The following RMDN1 variants were observed in gnomAD, a reference collection of about 807,000 sequenced individuals.
The protein encoded by RMDN1 is regulator of microtubule dynamics 1.
Under a neutral mutation model 48.9 loss-of-function variants are expected in RMDN1, and 48 were observed. The observed-to-expected ratio is 0.98, with a 90% CI of 0.78 to 1.25. The LOEUF (loss-of-function observed/expected upper bound fraction) is 1.25. Among genes scored for constraint, RMDN1 ranks in the 50% most tolerant of loss-of-function variants. RMDN1 has a pLI of 0.00. For missense variants in RMDN1, 418 were observed against 373.4 expected, an observed-to-expected ratio of 1.12 and a Z score of -0.98; for synonymous variants, 148 against 132.6, an observed-to-expected ratio of 1.12 and a Z score of -0.80.
At chr8:86,470,456 T>C, downstream of RMDN1, 1 of 1,231,556 alleles carries the variant, frequency 8.1e-7, no homozygotes. Flanking sequence ...ATCAGAATCT[T>C]GGGAAGGCAC....
intron 1 of RMDN1, chr8:86,508,175 C>CA (rs1460121338): frequency 6.4e-6 from 2 of 313,256 alleles, no homozygotes; most frequent in Non-Finnish European, 1.2e-5. Flanking sequence ...TCATCGCCTA[C>CA]AGGGAGAATA....
Position 86,472,460 on chromosome 8 carries a change from C to T in RMDN1, c.*1848G>A, listed in dbSNP as rs921640697. On this transcript the variant is annotated 3_prime_UTR_variant, in exon 10 of 10. Transcript: ENST00000406452. ...AAAGACCCACTTCCTGGCCCTTCAG[C>T]TGCTTCTGTTTCTCTTCACCTACAA... 3 of 702,436 alleles carry T rather than the reference C, an allele frequency of 4.3e-6. No individual in the cohort carries two copies. The highest frequency in any genetic ancestry group is 1.5e-5 in the South Asian group (1 of 67,604). The allele number at this position is 702,436 out of a possible 1,614,324, so 43.5% of individuals were successfully genotyped here. A position where few individuals can be genotyped will look rare whatever the true frequency, so the allele number is the denominator to read the frequency against.
In RMDN1 at chr8:86,505,276, T is replaced by A. The variant is rs1819125841; in HGVS notation, c.247+1719A>T. The A allele has an allele frequency of 6.0e-6, 3 of 500,246 alleles. 1 individual carries two copies. The allele number at this position is 500,246 out of a possible 1,614,324, so 31.0% of individuals were successfully genotyped here. On this transcript the variant is annotated intron_variant, in intron 2 of 9. Transcript: ENST00000406452. ...TTATTTCCTGGACATTCTCTTCTGC[T>A]TAGGAGAGACCAAGTGAACCTACCT... is the stretch of plus-strand genomic sequence containing the variant.
chr8:86,506,430 A>G (rs1244376098), intron 2 of RMDN1, among the ~76,000 whole-genome samples: 4 of 152,144 alleles, frequency 2.6e-5, no homozygotes, highest in Admixed American at 2.0e-4. Flanking sequence ...TCCTATGCCA[A>G]GTGCCCTTAG....
intron 2 of RMDN1, chr8:86,504,234 A>G: frequency 6.4e-7 from 1 of 1,562,962 alleles, no homozygotes; most frequent in Non-Finnish European, 8.8e-7. Flanking sequence ...TTAACAGAAA[A>G]GAAGAGGAGA....
chr8:86,502,056 G>C (rs2131210998), intron 2 of RMDN1, among the ~76,000 whole-genome samples: 2 of 152,138 alleles, frequency 1.3e-5, no homozygotes, highest in South Asian at 4.1e-4. Flanking sequence ...ATCAGAAGTT[G>C]AATAAGACCA....
chr8:86,481,958 C>T, intron 5 of RMDN1: 1 of 861,054 alleles, frequency 1.2e-6, no homozygotes. Context: ...TGTCATCTTG[C>T]TGCAAGCAGA....
At chr8:86,470,536 C>G, downstream of RMDN1, 1 of 654,428 alleles carries the variant, frequency 1.5e-6, no homozygotes, top group African/African-American at 1.9e-5. Flanking sequence ...GACCCAGGAG[C>G]CACACTCCTG....
intron 7 of RMDN1, chr8:86,478,125 TC>T (rs1408566111): frequency 6.6e-6 from 1 of 152,212 alleles, no homozygotes; most frequent in Non-Finnish European, 1.5e-5. Flanking sequence ...GCTCAACTGA[TC>T]CACCAACCTT....
intron 2 of RMDN1, among the ~76,000 whole-genome samples, chr8:86,500,095 G>A (rs1166985705): frequency 6.6e-6 from 1 of 151,978 alleles, no homozygotes; most frequent in Non-Finnish European, 1.5e-5. Context: ...GAAAACCTAG[G>A]AAACACCATT....
At chr8:86,502,053 G>C (rs1265523909) in intron 2 of RMDN1, among the ~76,000 whole-genome samples, 1 of 152,048 alleles carries the variant, frequency 6.6e-6, no homozygotes, top group Non-Finnish European at 1.5e-5. Flanking sequence ...TCTATCAGAA[G>C]TTGAATAAGA....
chr8:86,503,909 G>A, intron 2 of RMDN1: 1 of 712,656 alleles, frequency 1.4e-6, no homozygotes, highest in South Asian at 1.4e-5. Context: ...ATGGGATTGT[G>A]TAAAGCAGCT....
Position 86,508,531 on chromosome 8 carries a change from G to A in RMDN1, c.90C>T (p.Ser30=), listed in dbSNP as rs1295601538. 6.4e-7 allele frequency: 1 copy of A among 1,572,728 alleles called. No homozygotes were observed. Among genetic ancestry groups the A allele is most frequent in the African/African-American group, 1.3e-5 (1 of 74,210 alleles). The change falls in exon 1 of 10, where the codon AGC becomes AGT. Residue 30 remains serine (S), a synonymous_variant. Coordinates refer to ENST00000406452, the MANE Select transcript of RMDN1 (RefSeq NM_016033.3). ...ATCGACAGGGGCCGCAATGCCCGCG[G>A]CTGCCCGAAGTCCCCGCAGGGAGAC... is the stretch of plus-strand genomic sequence containing the variant. ...GSRLPAGTSG[S]RGHCGPCRFR... is the part of the protein sequence containing the mutation.
intron 2 of RMDN1, among the ~76,000 whole-genome samples, chr8:86,502,303 C>T (rs1212836268): frequency 6.6e-6 from 1 of 152,004 alleles, no homozygotes; most frequent in Non-Finnish European, 1.5e-5. Context: ...GTGGTGAGAT[C>T]ATGGCTTACT....
intron 2 of RMDN1, among the ~76,000 whole-genome samples, chr8:86,496,702 C>T (rs1817408045): frequency 6.6e-6 from 1 of 152,128 alleles, no homozygotes; most frequent in African/African-American, 2.4e-5. Flanking sequence ...TGAGAGACTT[C>T]AACACTCCAT....
In RMDN1 at chr8:86,473,290, CA is replaced by C. The variant is rs146350233; in HGVS notation, c.*1017del. 663 of 985,392 alleles carry C rather than the reference CA, an allele frequency of 6.7e-4. 3 individuals carry two copies. The African/African-American group carries it at 0.011, about 16-fold the overall frequency. 61.0% of individuals were successfully genotyped at this position (985,392 alleles called of 1,614,324 possible). On this transcript the variant is annotated 3_prime_UTR_variant, in exon 10 of 10. Coordinates refer to ENST00000406452, the MANE Select transcript of RMDN1 (RefSeq NM_016033.3). ...AGTGGATTCAAGATGCTCCTTTTTACAAAACTTAAAAAGATTTTGCAGTGGT... is the reference window on the plus strand; with the variant it reads ...AGTGGATTCAAGATGCTCCTTTTTACAAACTTAAAAAGATTTTGCAGTGGT...
At chr8:86,490,707 T>C (rs959114298) in intron 2 of RMDN1, among the ~76,000 whole-genome samples, 6 of 152,194 alleles carry the variant, frequency 3.9e-5, no homozygotes, top group African/African-American at 1.2e-4. Flanking sequence ...ATTAAATATA[T>C]TGATCTGGCA....
In RMDN1 at chr8:86,474,168, T is replaced by C. The variant is rs567755508; in HGVS notation, c.*140A>G. The C allele has an allele frequency of 1.9e-5, 27 of 1,420,366 alleles. No individual in the cohort carries two copies. The highest frequency in any genetic ancestry group is 2.4e-5 in the Non-Finnish European group (26 of 1,088,742). 88.0% of individuals were successfully genotyped at this position (1,420,366 alleles called of 1,614,324 possible). ...TTACCCTATTATTTGTGAAGAAGCC[T>C]AGAATATTTTATATTTACACGGTTA... On this transcript the variant is annotated 3_prime_UTR_variant, in exon 10 of 10. Coordinates refer to ENST00000406452, the MANE Select transcript of RMDN1 (RefSeq NM_016033.3).
downstream of RMDN1, chr8:86,468,486 C>A (rs187213316): frequency 7.1e-6 from 3 of 420,668 alleles, no homozygotes; most frequent in African/African-American, 4.2e-5. Flanking sequence ...GGAAACTGGC[C>A]TTCAAAAAGG....
Sources: allele counts gnomAD v4.1 joint callset (sites outside exome capture counted in the v4.1 genomes callset), GRCh38; gene constraint gnomAD v4.1.1; transcripts MANE v1.5; gene names NCBI Gene and HGNC (gene_info 2026-07-23, HGNC 2026-07-21).